Variants in PLA2G2F observed in about 807,000 individuals in gnomAD.
The protein encoded by PLA2G2F is group IIF secretory phospholipase A2.
A neutral mutation model predicts 15.9 loss-of-function variants in PLA2G2F; 17 were observed. The ratio of observed to expected loss-of-function variants is 1.07; its 90% confidence interval spans 0.73 to 1.60. PLA2G2F has a LOEUF of 1.60. Among genes scored for constraint, PLA2G2F ranks in the 40% most tolerant of loss-of-function variants. The pLI is 0.00. For synonymous variants in PLA2G2F, 119 were observed against 106.5 expected (o/e 1.12, Z -0.72); for missense variants, 299 against 278.2 (o/e 1.07, Z -0.53).
chr1:20,148,304 A>G lies in PLA2G2F; in HGVS notation c.539A>G (p.Tyr180Cys). Residue 180 changes from tyrosine to cysteine, a missense_variant, in exon 5 of 5, where the codon TAC (tyrosine) becomes TGC (cysteine). Physicochemically the swap from Tyr to Cys is radical, Grantham distance 194. Transcript: ENST00000375102. The part of the protein sequence containing the change: ...REEYRGFLNV[Y>C]CQGPTPNCSI... ...GAGTACCGTGGCTTCCTCAATGTCTACTGCCAGGGCCCCACGCCCAACTGC... is the reference window on the plus strand; with the variant it reads ...GAGTACCGTGGCTTCCTCAATGTCTGCTGCCAGGGCCCCACGCCCAACTGC... 1 of 1,613,996 alleles carries G rather than the reference A, an allele frequency of 6.2e-7. No homozygotes were observed. Among genetic ancestry groups the G allele is most frequent in the African/African-American group, 1.3e-5 (1 of 74,972 alleles).
intron 4 of PLA2G2F, among the ~76,000 whole-genome samples, chr1:20,145,604 T>TTTAATTAATTAATTAA (rs140888490): frequency 1.3e-5 from 2 of 150,798 alleles, no homozygotes; most frequent in Non-Finnish European, 1.5e-5. Context: ...TACCTGAAAT[T>TTTAATTAATTAATTAA]TTAATTAATT....
chr1:20,145,067 G>A (rs891065084), intron 4 of PLA2G2F, among the ~76,000 whole-genome samples: 2 of 151,906 alleles, frequency 1.3e-5, no homozygotes, highest in Non-Finnish European at 2.9e-5. Context: ...GAGACAGAGT[G>A]AGACTCTGTC....
rs191045954 is a variant in PLA2G2F, at chr1:20,145,526, C to T, written c.424+837C>T. 5.5e-3 allele frequency among the ~76,000 whole-genome samples: 843 copies of T among 152,160 alleles called. 7 individuals are homozygous for T. The highest frequency in any genetic ancestry group is 8.1e-3 in the Non-Finnish European group (553 of 68,000). ...TGATCTCTTGACCTCTTGATCCACCCACCTCGGCCTCCCAAAGTGCTGGGA... is the reference window on the plus strand; with the variant it reads ...TGATCTCTTGACCTCTTGATCCACCTACCTCGGCCTCCCAAAGTGCTGGGA... On this transcript the variant is annotated intron_variant, in intron 4 of 4. Transcript: ENST00000375102.
At position 20,148,720 on chromosome 1, in the gene PLA2G2F, G is replaced by A; in HGVS notation, c.*319G>A. The A allele has an allele frequency of 2.7e-6, 1 of 371,054 alleles. No homozygotes were observed. The highest frequency in any genetic ancestry group is 4.9e-6 in the Non-Finnish European group (1 of 202,240). 23.0% of individuals were successfully genotyped at this position (371,054 alleles called of 1,614,324 possible). On this transcript the variant is annotated 3_prime_UTR_variant, in exon 5 of 5. Transcript: ENST00000375102. The stretch of plus-strand genomic sequence containing the variant: ...GGGGCCTCTGAGTGGGGCCTCTGTT[G>A]CTGGCGCCAGTTTAACTCCCCGGAG...
intron 3 of PLA2G2F, chr1:20,143,960 T>A (rs998655656): frequency 9.8e-6 from 2 of 203,088 alleles, no homozygotes; most frequent in African/African-American, 4.6e-5. Context: ...GGACCATGCC[T>A]CCTCCATCAG....
intron 1 of PLA2G2F, 31 bp downstream of exon 1, chr1:20,139,574 T>C: frequency 7.0e-7 from 1 of 1,434,852 alleles, no homozygotes; most frequent in South Asian, 1.4e-5. Flanking sequence ...GATGGAATCC[T>C]CCAGGGAGGG....
chr1:20,147,218 A>G (rs2017631123), intron 4 of PLA2G2F, among the ~76,000 whole-genome samples: 1 of 152,058 alleles, frequency 6.6e-6, no homozygotes, highest in South Asian at 2.1e-4. Flanking sequence ...CCCCACCCAG[A>G]CCTACTGAAT....
rs778183273 is a variant in PLA2G2F, at chr1:20,140,223, G to A, written c.169+5G>A. On this transcript the variant is annotated splice_donor_5th_base_variant and intron_variant, in intron 2 of 4. Coordinates refer to ENST00000375102, the MANE Select transcript of PLA2G2F (RefSeq NM_022819.4). ...TGGCCATCCTTGCTGGCAGCGGTGA[G>A]TAAAGACTCCAGAGGGCTCCTCCTT... 2 of 1,613,704 alleles carry A rather than the reference G, an allele frequency of 1.2e-6. No individual in the cohort carries two copies. Among genetic ancestry groups the A allele is most frequent in the South Asian group, 1.1e-5 (1 of 91,018 alleles).
At chr1:20,139,981 C>T (rs1453065305) in intron 1 of PLA2G2F, among the ~76,000 whole-genome samples, 185 bp from the exon 2 acceptor site, 1 of 152,082 alleles carries the variant, frequency 6.6e-6, no homozygotes, top group Admixed American at 6.5e-5. Context: ...CTGGCTCTGC[C>T]ATCTGGGGTG....
At chr1:20,146,632 G>A (rs2017614138) in intron 4 of PLA2G2F, among the ~76,000 whole-genome samples, 1 of 152,236 alleles carries the variant, frequency 6.6e-6, no homozygotes, top group Non-Finnish European at 1.5e-5. Flanking sequence ...GGTACCAGTT[G>A]TTGCTTATTA....
At chr1:20,140,889 T>A (rs1484965135) in intron 2 of PLA2G2F, 1 of 152,206 alleles carries the variant, frequency 6.6e-6, no homozygotes, top group Non-Finnish European at 1.5e-5. Flanking sequence ...GACACAGACC[T>A]GACCCTGCCA....
intron 4 of PLA2G2F, among the ~76,000 whole-genome samples, chr1:20,146,395 G>A (rs1470580130): frequency 1.3e-5 from 2 of 152,180 alleles, no homozygotes; most frequent in East Asian, 3.9e-4. Context: ...GTGTTTCCAG[G>A]GATCCAAGGT....
rs1231544626 is a variant in PLA2G2F, at chr1:20,145,350, C to T, written c.424+661C>T. On this transcript the variant is annotated intron_variant, in intron 4 of 4. Coordinates refer to ENST00000375102, the MANE Select transcript of PLA2G2F (RefSeq NM_022819.4). ...AGGCTGGAGTGCAGTGGCATGATCT[C>T]GGCTCACTACAACCTCTGCCTCCCA... Among the ~76,000 whole-genome samples, 13 of 149,976 alleles carry T rather than the reference C, an allele frequency of 8.7e-5. No individual in the cohort carries two copies. The East Asian group carries it at 1.8e-3, about 20-fold the overall frequency.
intron 3 of PLA2G2F, chr1:20,143,934 G>C (rs780853563): frequency 3.2e-5 from 7 of 221,752 alleles, no homozygotes; most frequent in Admixed American, 5.2e-5. Flanking sequence ...CCTCACACTG[G>C]AGGCTCTGGA....
At chr1:20,139,729 G>A (rs1016546099) in intron 1 of PLA2G2F, among the ~76,000 whole-genome samples, 186 bp downstream of exon 1, 1 of 152,216 alleles carries the variant, frequency 6.6e-6, no homozygotes, top group African/African-American at 2.4e-5. Context: ...CAACCCTCAT[G>A]TGGCCCAGGG....
chr1:20,143,405 C>G (rs1048624047), intron 2 of PLA2G2F, 41 bp from the exon 3 acceptor site: 1 of 1,601,338 alleles, frequency 6.2e-7, no homozygotes, highest in South Asian at 1.1e-5. Context: ...AGCGGCCAGC[C>G]CCGGGGCAGG....
chr1:20,140,506 G>A (rs2017436245), intron 2 of PLA2G2F: 2 of 414,372 alleles, frequency 4.8e-6, no homozygotes, highest in African/African-American at 2.0e-5. Flanking sequence ...ATGTGTACTA[G>A]TGTGTGTCCA....
At chr1:20,143,386 G>A in intron 2 of PLA2G2F, 60 bp from the exon 3 acceptor site, 1 of 1,584,986 alleles carries the variant, frequency 6.3e-7, no homozygotes, top group Non-Finnish European at 8.6e-7. Context: ...CAGGATGAGA[G>A]AGGCTGGGAG....
chr1:20,140,882 A>G (rs2017449823), intron 2 of PLA2G2F: 1 of 152,222 alleles, frequency 6.6e-6, no homozygotes, highest in African/African-American at 2.4e-5. Context: ...GGCTCTTGAC[A>G]CAGACCTGAC....
Sources: allele counts gnomAD v4.1 joint callset (sites outside exome capture counted in the v4.1 genomes callset), GRCh38; gene constraint gnomAD v4.1.1; transcripts MANE v1.5; gene names NCBI Gene and HGNC (gene_info 2026-07-23, HGNC 2026-07-21).